The following SPIDR variants were observed in gnomAD, a reference collection of about 807,000 sequenced individuals.
SPIDR encodes scaffold protein involved in DNA repair, also known as DNA repair-scaffolding protein.
SPIDR carries 93 observed loss-of-function variants against 104.6 expected under a neutral mutation model. The observed-to-expected ratio is 0.89, with a 90% CI of 0.75 to 1.06. The LOEUF (loss-of-function observed/expected upper bound fraction) is 1.06, where lower values mean the gene tolerates loss of function less well. Ranked by LOEUF, SPIDR falls within the 50% of genes least tolerant of loss-of-function variation. The pLI is 0.00. For synonymous variants in SPIDR, 431 were observed against 416.9 expected (o/e 1.03, Z -0.41); for missense variants, 1,154 against 1,111.2 (o/e 1.04, Z -0.55).
intron 10 of SPIDR, among the ~76,000 whole-genome samples, chr8:47,640,624 A>G (rs1326545097): frequency 1.3e-5 from 2 of 152,116 alleles, no homozygotes; most frequent in South Asian, 2.1e-4. Flanking sequence ...TATGAAAAGT[A>G]TAAAATTTTA....
chr8:47,439,359 T>C (rs1554694681), intron 7 of SPIDR, among the ~76,000 whole-genome samples: 1 of 152,222 alleles, frequency 6.6e-6, no homozygotes, highest in Non-Finnish European at 1.5e-5. Context: ...TTTTTAAAAT[T>C]ACATTATAGG....
intron 7 of SPIDR, among the ~76,000 whole-genome samples, chr8:47,420,434 C>A (rs1418575706): frequency 2.6e-5 from 4 of 152,130 alleles, no homozygotes; most frequent in African/African-American, 4.8e-5. Context: ...ACTAGGATTG[C>A]AACCCCTGCC....
chr8:47,605,218 C>T (rs939854978), intron 10 of SPIDR, among the ~76,000 whole-genome samples: 3 of 152,276 alleles, frequency 2.0e-5, no homozygotes, highest in South Asian at 2.1e-4. Flanking sequence ...AACCAGAGCT[C>T]GTGGCAAGCG....
chr8:47,553,930 G>A (rs931912714), intron 8 of SPIDR, among the ~76,000 whole-genome samples: 2 of 152,128 alleles, frequency 1.3e-5, no homozygotes, highest in South Asian at 4.1e-4. Context: ...TGGGGTTTTG[G>A]TGTGGATGTC....
chr8:47,568,644 C>T (rs1214117073), intron 8 of SPIDR, among the ~76,000 whole-genome samples: 4 of 152,142 alleles, frequency 2.6e-5, no homozygotes, highest in Non-Finnish European at 4.4e-5. Flanking sequence ...TGGTGCAGCA[C>T]ACTGGAGCCA....
intron 8 of SPIDR, among the ~76,000 whole-genome samples, chr8:47,471,469 G>A (rs183538553): frequency 1.7e-4 from 26 of 151,986 alleles, no homozygotes; most frequent in East Asian, 5.8e-4. Flanking sequence ...AATCAAAGCC[G>A]CAATGAAATA....
At chr8:47,667,178 G>T (rs983327285) in intron 10 of SPIDR, among the ~76,000 whole-genome samples, 2 of 152,102 alleles carry the variant, frequency 1.3e-5, no homozygotes, top group Non-Finnish European at 2.9e-5. Flanking sequence ...CTACTTGGGA[G>T]GCTGAGGCAC....
chr8:47,304,410 T>C (rs1206475975), intron 5 of SPIDR, among the ~76,000 whole-genome samples: 3 of 152,132 alleles, frequency 2.0e-5, no homozygotes, highest in Non-Finnish European at 4.4e-5. Context: ...CTCCTGCCTG[T>C]AACCCCAGCA....
intron 1 of SPIDR, among the ~76,000 whole-genome samples, chr8:47,276,035 C>A (rs1208390345): frequency 1.3e-5 from 2 of 152,032 alleles, no homozygotes; most frequent in South Asian, 2.1e-4. Flanking sequence ...TTTTGTATTT[C>A]TTTTTTAGAC....
At chr8:47,634,451 A>C (rs964711340) in intron 10 of SPIDR, among the ~76,000 whole-genome samples, 2 of 152,214 alleles carry the variant, frequency 1.3e-5, no homozygotes, top group Non-Finnish European at 2.9e-5. Context: ...AATCCATCTC[A>C]AAAAACAAAT....
intron 5 of SPIDR, among the ~76,000 whole-genome samples, chr8:47,319,881 A>G (rs1554593367): frequency 6.6e-6 from 1 of 151,956 alleles, no homozygotes; most frequent in Non-Finnish European, 1.5e-5. Flanking sequence ...AGAAATAAAG[A>G]TGTTCTTGGA....
At chr8:47,683,754 T>C (rs2077384664) in intron 11 of SPIDR, among the ~76,000 whole-genome samples, 1 of 152,172 alleles carries the variant, frequency 6.6e-6, no homozygotes, top group Non-Finnish European at 1.5e-5. Context: ...TCAGACCATC[T>C]TTTGACCAAA....
In SPIDR at chr8:47,275,304, C is replaced by G. The variant is rs374044481; in HGVS notation, c.34-4558C>G. Among the ~76,000 whole-genome samples the G allele has an allele frequency of 2.8e-3, 423 of 151,946 alleles. 3 individuals carry two copies. The highest frequency in any genetic ancestry group is 9.5e-3 in the African/African-American group (392 of 41,436). On this transcript the variant is annotated intron_variant, in intron 1 of 19. Coordinates refer to ENST00000297423, the MANE Select transcript of SPIDR (RefSeq NM_001080394.4). ...AATATCCCCCATAAATCTATAAAAC[C>G]TATAATCAGCATAACATAAGCATTT...
intron 8 of SPIDR, among the ~76,000 whole-genome samples, chr8:47,484,633 A>C (rs967023973): frequency 3.3e-5 from 5 of 152,210 alleles, no homozygotes; most frequent in African/African-American, 1.2e-4. Flanking sequence ...CTGGGCATAT[A>C]AAAGCAACAG....
At chr8:47,511,826 C>T in intron 8 of SPIDR, 1 of 921,260 alleles carries the variant, frequency 1.1e-6, no homozygotes, top group East Asian at 2.4e-5. Context: ...GGAGGGCCAA[C>T]AATCTGCTGT....
intron 8 of SPIDR, among the ~76,000 whole-genome samples, chr8:47,453,979 A>G (rs987040547): frequency 1.3e-5 from 2 of 151,368 alleles, no homozygotes; most frequent in Non-Finnish European, 2.9e-5. Context: ...TCAGGAAACA[A>G]CAGGTGCTGG....
At chr8:47,345,036 C>T (rs1233849720) in intron 5 of SPIDR, among the ~76,000 whole-genome samples, 2 of 152,254 alleles carry the variant, frequency 1.3e-5, no homozygotes, top group South Asian at 4.1e-4. Flanking sequence ...AAGTCCTTGC[C>T]CATGCCTATG....
intron 8 of SPIDR, among the ~76,000 whole-genome samples, chr8:47,557,704 A>G (rs914827258): frequency 6.6e-6 from 1 of 152,234 alleles, no homozygotes; most frequent in Non-Finnish European, 1.5e-5. Context: ...GTTGGCCAAC[A>G]TTATGTATAA....
chr8:47,485,427 G>A (rs1257672750), intron 8 of SPIDR, among the ~76,000 whole-genome samples: 1 of 152,216 alleles, frequency 6.6e-6, no homozygotes, highest in African/African-American at 2.4e-5. Flanking sequence ...ACCTCTGCGG[G>A]CAGGGCATAG....
Sources: gnomAD v4.1 joint callset for allele counts (sites outside exome capture counted in the v4.1 genomes callset) on GRCh38, gnomAD v4.1.1 for gene constraint, MANE v1.5 for transcripts, NCBI Gene and HGNC (gene_info 2026-07-23, HGNC 2026-07-21) for gene names.